Variants in MTMR7 observed in about 807,000 individuals in gnomAD.
The protein encoded by MTMR7 is phosphatidylinositol-3-phosphate phosphatase MTMR7.
Under a neutral mutation model 81.2 loss-of-function variants are expected in MTMR7, and 76 were observed. That is an observed-to-expected ratio of 0.94 (90% CI 0.78 to 1.13). The LOEUF (loss-of-function observed/expected upper bound fraction) is 1.13. MTMR7 is among the 50% of genes most tolerant of loss of function. The pLI, the probability that MTMR7 is intolerant of heterozygous loss-of-function variation, is 0.00. For synonymous variants in MTMR7, 372 were observed against 289.8 expected, an observed-to-expected ratio of 1.28 and a Z score of -2.88; for missense variants, 1,044 against 820.0, an observed-to-expected ratio of 1.27 and a Z score of -3.34.
intron 1 of MTMR7, among the ~76,000 whole-genome samples, chr8:17,393,974 G>T (rs112323027): frequency 6.6e-6 from 1 of 152,264 alleles, no homozygotes; most frequent in African/African-American, 2.4e-5. Flanking sequence ...TTAGCTACCA[G>T]GTACATGCAA....
chr8:17,308,321 C>G (rs749823068), intron 10 of MTMR7, among the ~76,000 whole-genome samples: 11 of 151,994 alleles, frequency 7.2e-5, no homozygotes, highest in African/African-American at 2.7e-4. Flanking sequence ...TAATAGAACC[C>G]CAAACTGAAA....
intron 4 of MTMR7, among the ~76,000 whole-genome samples, chr8:17,349,773 T>C (rs1268547011): frequency 6.6e-6 from 1 of 152,222 alleles, no homozygotes; most frequent in African/African-American, 2.4e-5. Flanking sequence ...AGGATCGATG[T>C]ACTCTTTCTA....
At chr8:17,380,594 C>T (rs1820728366) in intron 1 of MTMR7, among the ~76,000 whole-genome samples, 1 of 149,402 alleles carries the variant, frequency 6.7e-6, no homozygotes, top group Non-Finnish European at 1.5e-5. Context: ...AAGGACCATG[C>T]ATAATTTTCA....
intron 11 of MTMR7, 59 bp from the exon 12 acceptor site, chr8:17,304,578 A>G (rs2150468497): frequency 6.5e-7 from 1 of 1,537,842 alleles, no homozygotes; most frequent in East Asian, 2.3e-5. Flanking sequence ...CACAGTAGAT[A>G]TGTTATATTA....
chr8:17,309,309 G>T lies in MTMR7; in HGVS notation c.1119C>A (p.Asp373Glu), dbSNP rs1412538906. ...TAAACTTATGACCAAAGGAAATCCA[G>T]TCCTTTTCAATTAATACCTACACAA... ...LKGFMVLIEK[D>E]WISFGHKFNH... Residue 373 changes from aspartate to glutamate, a missense_variant, in exon 10 of 14, where the codon GAC becomes GAA. Transcript: ENST00000180173. 1 of 1,567,964 alleles carries T rather than the reference G, an allele frequency of 6.4e-7. No individual in the cohort carries two copies. Among genetic ancestry groups the T allele is most frequent in the Non-Finnish European group, 8.8e-7 (1 of 1,138,852 alleles).
chr8:17,410,585 C>CT (rs924970501), intron 1 of MTMR7, among the ~76,000 whole-genome samples: 3 of 152,234 alleles, frequency 2.0e-5, no homozygotes, highest in East Asian at 1.9e-4. Context: ...GTCCTTGGAA[C>CT]TTTTTTTTCC....
chr8:17,300,003 A>C lies in MTMR7; in HGVS notation c.1842T>G (p.Asp614Glu), dbSNP rs1342963003. ...ILTQDNLKSSDPDLSANSDQE... is the reference protein window; with the variant it reads ...ILTQDNLKSSEPDLSANSDQE... ...GGTCACTGTTGGCTGACAGATCTGG[A>C]TCTGAACTTTTCAGATTGTCTTGGG... Residue 614 changes from aspartate (D) to glutamate (E), a missense_variant, in exon 14 of 14, where the codon GAT (aspartate) becomes GAG (glutamate). Transcript: ENST00000180173. 2.5e-6 allele frequency: 4 copies of C among 1,614,096 alleles called. No homozygotes were observed. Among genetic ancestry groups the C allele is most frequent in the Non-Finnish European group, 3.4e-6 (4 of 1,180,008 alleles).
At chr8:17,340,195 C>T (rs1488991201) in intron 6 of MTMR7, among the ~76,000 whole-genome samples, 1 of 152,250 alleles carries the variant, frequency 6.6e-6, no homozygotes, top group Non-Finnish European at 1.5e-5. Context: ...TCAGATGATC[C>T]ACCTGCCTTC....
At chr8:17,370,961 C>G in intron 3 of MTMR7, 76 bp downstream of exon 3, 1 of 1,449,748 alleles carries the variant, frequency 6.9e-7, no homozygotes. Context: ...TTCCTAAGCA[C>G]CATACAAATT....
intron 1 of MTMR7, among the ~76,000 whole-genome samples, chr8:17,395,997 C>G (rs1001323964): frequency 2.6e-5 from 4 of 151,550 alleles, no homozygotes; most frequent in African/African-American, 9.7e-5. Flanking sequence ...GGGAAGGTGA[C>G]AAAGAACAAA....
chr8:17,333,881 C>A (rs1033510507), intron 6 of MTMR7, among the ~76,000 whole-genome samples: 8 of 151,948 alleles, frequency 5.3e-5, no homozygotes, highest in African/African-American at 1.9e-4. Context: ...CCACAAGGGA[C>A]AGGAGGGTTA....
At chr8:17,405,459 C>T (rs987990497) in intron 1 of MTMR7, among the ~76,000 whole-genome samples, 1 of 152,098 alleles carries the variant, frequency 6.6e-6, no homozygotes, top group African/African-American at 2.4e-5. Flanking sequence ...GGCTCTGAGT[C>T]CTAGATGAGG....
At chr8:17,337,358 G>A (rs1470368192) in intron 6 of MTMR7, among the ~76,000 whole-genome samples, 38 of 105,152 alleles carry the variant, frequency 3.6e-4, no homozygotes, top group African/African-American at 8.2e-4. Flanking sequence ...GTAAAACTCC[G>A]TCCCAAAAAA....
intron 1 of MTMR7, among the ~76,000 whole-genome samples, chr8:17,412,164 T>C (rs1014555009): frequency 2.0e-5 from 3 of 152,250 alleles, no homozygotes; most frequent in Non-Finnish European, 4.4e-5. Context: ...AAAAGATTTC[T>C]TCTTCCAATG....
At chr8:17,339,185 T>G (rs911884084) in intron 6 of MTMR7, among the ~76,000 whole-genome samples, 1 of 152,224 alleles carries the variant, frequency 6.6e-6, no homozygotes, top group East Asian at 1.9e-4. Context: ...TGTACACTTT[T>G]AAATGACTTG....
chr8:17,371,189 C>T lies in MTMR7; in HGVS notation c.158G>A (p.Ser53Asn). 6.2e-7 allele frequency: 1 copy of T among 1,614,006 alleles called. No homozygotes were observed. The highest frequency in any genetic ancestry group is 2.2e-5 in the East Asian group (1 of 44,884). ...DPRKETWILH[S>N]QISTIEKQAT... ...CTGTTTCTCAATGGTGGAAATCTGA[C>T]TGTGAAGAATCTAGAACCAAATGTT... The change falls in exon 3 of 14, where the codon AGT becomes AAT. Residue 53 changes from serine to asparagine, a missense_variant. Transcript: ENST00000180173.
intron 1 of MTMR7, among the ~76,000 whole-genome samples, chr8:17,396,409 A>G (rs1482027677): frequency 2.0e-5 from 3 of 152,160 alleles, no homozygotes; most frequent in African/African-American, 7.2e-5. Flanking sequence ...TCTTTCTCCT[A>G]CGTGGAAAAA....
chr8:17,408,688 T>A (rs78028179), intron 1 of MTMR7, among the ~76,000 whole-genome samples: 6 of 152,114 alleles, frequency 3.9e-5, no homozygotes, highest in African/African-American at 1.4e-4. Flanking sequence ...GAACAGCAGA[T>A]GTGTATCAGC....
chr8:17,371,271 T>C lies in MTMR7; in HGVS notation c.148-72A>G. On this transcript the variant is annotated intron_variant, in intron 2 of 13. Transcript: ENST00000180173. ...GAATACGACAAGGACTAACATTTCT[T>C]TGTGGCTCAAAGAAAGACAAGAAAC... is the stretch of plus-strand genomic sequence containing the variant. 4 of 1,503,112 alleles carry C rather than the reference T, an allele frequency of 2.7e-6. No homozygotes were observed. The Admixed American group carries it at 5.8e-5, about 22-fold the overall frequency. The allele number at this position is 1,503,112 out of a possible 1,614,324, so 93.1% of individuals were successfully genotyped here.
Sources: allele counts gnomAD v4.1 joint callset (sites outside exome capture counted in the v4.1 genomes callset), GRCh38; gene constraint gnomAD v4.1.1; transcripts MANE v1.5; gene names NCBI Gene and HGNC (gene_info 2026-07-23, HGNC 2026-07-21).